The following RBFOX2 variants were observed in gnomAD, a reference collection of about 807,000 sequenced individuals.
The protein encoded by RBFOX2 is RNA binding protein fox-1 homolog 2.
RBFOX2 carries 10 observed loss-of-function variants against 49.1 expected under a neutral mutation model. The observed-to-expected ratio is 0.20, with a 90% CI of 0.13 to 0.35. The LOEUF (loss-of-function observed/expected upper bound fraction) is 0.35, where lower values mean the gene tolerates loss of function less well. Among genes scored for constraint, RBFOX2 ranks in the 10% least tolerant of loss-of-function variants. The pLI, the probability that RBFOX2 is intolerant of heterozygous loss-of-function variation, is 1.00. For synonymous variants in RBFOX2, 183 were observed against 187.4 expected (o/e 0.98, Z 0.19); for missense variants, 323 against 486.9 (o/e 0.66, Z 3.17).
intron 1 of RBFOX2, among the ~76,000 whole-genome samples, chr22:36,010,264 C>G (rs1178732481): frequency 6.6e-6 from 1 of 152,180 alleles, no homozygotes; most frequent in Non-Finnish European, 1.5e-5. Flanking sequence ...TTTCTGCTAT[C>G]AGGTTGCACA....
intron 1 of RBFOX2, among the ~76,000 whole-genome samples, chr22:35,893,788 A>G (rs971690272): frequency 1.3e-5 from 2 of 152,188 alleles, no homozygotes; most frequent in African/African-American, 2.4e-5. Flanking sequence ...TTGCTTTCTG[A>G]TAATTTATAA....
In RBFOX2 at chr22:35,784,321, C is replaced by T. The variant is rs1475028412; in HGVS notation, c.253-2575G>A. 3.9e-5 allele frequency among the ~76,000 whole-genome samples: 6 copies of T among 152,298 alleles called. No homozygotes were observed. The East Asian group carries it at 5.8e-4, about 15-fold the overall frequency. ...TAGGCCAGAGGCAGGCGAAGTCACA[C>T]CACTTCTGGAAAAGTGTAACAATAA... is the stretch of plus-strand genomic sequence containing the variant. On this transcript the variant is annotated intron_variant, in intron 2 of 11. Transcript: ENST00000405409.
chr22:35,844,103 C>G (rs1269092613), upstream of RBFOX2, among the ~76,000 whole-genome samples: 1 of 152,144 alleles, frequency 6.6e-6, no homozygotes, highest in Non-Finnish European at 1.5e-5. Flanking sequence ...CTTCAGAAAT[C>G]CCCTACTCCA....
chr22:35,969,375 C>A (rs1055719221), intron 1 of RBFOX2, among the ~76,000 whole-genome samples: 1 of 152,108 alleles, frequency 6.6e-6, no homozygotes. Flanking sequence ...GAGTTTGAGA[C>A]CAGCCTGGCA....
chr22:35,914,373 T>C lies in RBFOX2; in HGVS notation c.-34+24474A>G, dbSNP rs993297178. On this transcript the variant is annotated intron_variant, in intron 1 of 13. Coordinates refer to the RBFOX2 transcript ENST00000359369. ...AGCGATAAAACGCCACTGGAATATA[T>C]AGTGATATACCATACATGCCCATTT... is the stretch of plus-strand genomic sequence containing the variant. 3.9e-5 allele frequency among the ~76,000 whole-genome samples: 6 copies of C among 152,330 alleles called. No individual in the cohort carries two copies. The East Asian group carries it at 1.2e-3, about 29-fold the overall frequency.
chr22:35,982,807 A>C (rs2057526693), intron 1 of RBFOX2, among the ~76,000 whole-genome samples: 1 of 152,150 alleles, frequency 6.6e-6, no homozygotes. Flanking sequence ...AAAAAAAAAA[A>C]AACCACTAAT....
chr22:35,764,053 G>A (rs913962935), intron 6 of RBFOX2, among the ~76,000 whole-genome samples: 7 of 152,054 alleles, frequency 4.6e-5, no homozygotes, highest in Admixed American at 1.3e-4. Flanking sequence ...ACTTGTTTTT[G>A]TAAGAGCAGT....
intron 2 of RBFOX2, among the ~76,000 whole-genome samples, chr22:35,794,574 C>T (rs545320239): frequency 1.1e-4 from 16 of 151,766 alleles, no homozygotes; most frequent in African/African-American, 3.6e-4. Context: ...AAGAGAATGG[C>T]GTGAACCCGG....
intron 1 of RBFOX2, chr22:35,994,460 C>A (rs2058107488): frequency 6.6e-6 from 1 of 151,586 alleles, no homozygotes; most frequent in Non-Finnish European, 1.5e-5. Context: ...GGCCAGAGTA[C>A]AGCAGCACGA....
intron 1 of RBFOX2, among the ~76,000 whole-genome samples, chr22:35,903,496 C>T (rs118135797): frequency 1.7e-4 from 26 of 152,160 alleles, no homozygotes; most frequent in Non-Finnish European, 3.1e-4. Context: ...CATCCATTCC[C>T]ATCACTTCAA....
chr22:35,863,452 A>G (rs776356933), intron 1 of RBFOX2, among the ~76,000 whole-genome samples: 13 of 152,258 alleles, frequency 8.5e-5, no homozygotes, highest in Non-Finnish European at 1.3e-4. Context: ...TCAAAATAAA[A>G]AGCTAATCCA....
chr22:36,013,830 A>T (rs1466202025), intron 1 of RBFOX2, among the ~76,000 whole-genome samples: 1 of 152,180 alleles, frequency 6.6e-6, no homozygotes, highest in Non-Finnish European at 1.5e-5. Flanking sequence ...AACAGTGGTT[A>T]CTTGTTTGGT....
chr22:35,848,972 T>C (rs2041557582), intron 1 of RBFOX2, among the ~76,000 whole-genome samples: 1 of 152,290 alleles, frequency 6.6e-6, no homozygotes, highest in Admixed American at 6.5e-5. Context: ...CTTCAATTTT[T>C]CTTACTATAA....
At chr22:35,876,573 C>T (rs2045115730) in intron 1 of RBFOX2, among the ~76,000 whole-genome samples, 1 of 152,026 alleles carries the variant, frequency 6.6e-6, no homozygotes, top group South Asian at 2.1e-4. Flanking sequence ...GGTTCACTTC[C>T]TCTGCTCTGA....
At chr22:35,926,811 C>A (rs375975507) in intron 1 of RBFOX2, among the ~76,000 whole-genome samples, 3 of 152,064 alleles carry the variant, frequency 2.0e-5, no homozygotes, top group East Asian at 3.9e-4. Context: ...AAAACCAAAC[C>A]CATTACCACC....
At chr22:35,772,590 C>G (rs1401791236) in intron 4 of RBFOX2, among the ~76,000 whole-genome samples, 1 of 152,280 alleles carries the variant, frequency 6.6e-6, no homozygotes, top group East Asian at 1.9e-4. Flanking sequence ...TTATACTCCT[C>G]TAAGTTTGCA....
At chr22:35,809,047 A>G (rs1021511026) in intron 2 of RBFOX2, among the ~76,000 whole-genome samples, 3 of 149,700 alleles carry the variant, frequency 2.0e-5, no homozygotes, top group Admixed American at 2.0e-4. Context: ...GGAAATCGGC[A>G]TTTGCATTAA....
intron 1 of RBFOX2, among the ~76,000 whole-genome samples, chr22:35,925,152 G>A (rs373789052): frequency 5.9e-5 from 9 of 151,656 alleles, no homozygotes; most frequent in East Asian, 1.9e-4. Context: ...AGATCCAGCC[G>A]CTACAATCCA....
intron 1 of RBFOX2, among the ~76,000 whole-genome samples, chr22:36,023,795 T>C (rs908717227): frequency 6.6e-6 from 1 of 152,190 alleles, no homozygotes; most frequent in African/African-American, 2.4e-5. Context: ...AGGGCTGCAC[T>C]GACTCCTCTT....
Sources: allele counts gnomAD v4.1 joint callset (sites outside exome capture counted in the v4.1 genomes callset), GRCh38; gene constraint gnomAD v4.1.1; transcripts MANE v1.5; gene names NCBI Gene and HGNC (gene_info 2026-07-23, HGNC 2026-07-21).